Variants in ZC3H12B observed in about 807,000 individuals in gnomAD.
ZC3H12B encodes zinc finger CCCH-type containing 12B.
ZC3H12B carries 7 observed loss-of-function variants against 43.9 expected under a neutral mutation model. That is an observed-to-expected ratio of 0.16 (90% CI 0.09 to 0.30). The LOEUF (loss-of-function observed/expected upper bound fraction) is 0.30, where lower values mean the gene tolerates loss of function less well. Ranked by LOEUF, ZC3H12B falls within the 10% of genes least tolerant of loss-of-function variation. The probability of loss-of-function intolerance (pLI) is 1.00; values close to 1 mark genes in which losing one functional copy is unlikely to be tolerated. For missense variants in ZC3H12B, 475 were observed against 670.2 expected, an observed-to-expected ratio of 0.71 and a Z score of 3.22; for synonymous variants, 222 against 241.7, an observed-to-expected ratio of 0.92 and a Z score of 0.76.
the ZC3H12B span, among the ~76,000 whole-genome samples, chrX:65,116,322 C>G: frequency 6.3e-4 from 70 of 111,004 alleles, no homozygotes; most frequent in African/African-American, 2.2e-3. Context: ...CTTCACTTTA[C>G]GTTTCTGTTT....
the ZC3H12B span, among the ~76,000 whole-genome samples, chrX:65,110,953 A>T: frequency 7.1e-4 from 79 of 111,405 alleles, no homozygotes; most frequent in Non-Finnish European, 1.4e-3. Flanking sequence ...ATATTTTGTT[A>T]TATTTATACC....
At chrX:65,324,179 G>A in the ZC3H12B span, among the ~76,000 whole-genome samples, 9,278 of 111,698 alleles carry the variant, frequency 0.083, 1,030 homozygotes, top group African/African-American at 0.29. Context: ...CTTTTGCTGT[G>A]CAGAAGCTCT....
the ZC3H12B span, among the ~76,000 whole-genome samples, chrX:65,257,250 A>G: frequency 8.9e-6 from 1 of 112,289 alleles, no homozygotes; most frequent in African/African-American, 3.2e-5. Context: ...TGGCACATAT[A>G]CACCATGGAA....
At chrX:65,053,830 A>G in the ZC3H12B span, among the ~76,000 whole-genome samples, 1 of 111,189 alleles carries the variant, frequency 9.0e-6, no homozygotes, top group Non-Finnish European at 1.9e-5. Context: ...TCTCATTGTG[A>G]TTTTGATTTG....
At chrX:65,119,298 C>T in the ZC3H12B span, among the ~76,000 whole-genome samples, 1 of 111,423 alleles carries the variant, frequency 9.0e-6, no homozygotes, top group Admixed American at 9.5e-5. Flanking sequence ...TCTCCACATC[C>T]TCTCCAGCAC....
chrX:65,134,041 A>G, the ZC3H12B span, among the ~76,000 whole-genome samples: 2 of 111,163 alleles, frequency 1.8e-5, no homozygotes, highest in African/African-American at 6.6e-5. Flanking sequence ...GCAGAAGAAA[A>G]TAAGATGCTT....
At chrX:65,468,502 G>A (rs1041049019) in intron 3 of ZC3H12B, among the ~76,000 whole-genome samples, 1 of 48,627 alleles carries the variant, frequency 2.1e-5, no homozygotes, top group African/African-American at 6.1e-5. Context: ...TTTTTTTTTT[G>A]AGATGGAGTC....
intron 3 of ZC3H12B, among the ~76,000 whole-genome samples, chrX:65,410,130 T>C (rs1470931404): frequency 1.1e-5 from 1 of 91,321 alleles, no homozygotes; most frequent in Non-Finnish European, 2.2e-5. Context: ...AAAAAAACAA[T>C]GGGACATAAT....
At chrX:65,213,634 A>G in the ZC3H12B span, among the ~76,000 whole-genome samples, 1 of 110,882 alleles carries the variant, frequency 9.0e-6, no homozygotes, top group East Asian at 2.8e-4. Flanking sequence ...CTAGTCAGAT[A>G]ACTATGAAGT....
chrX:65,437,845 C>T (rs1273503995), intron 3 of ZC3H12B, among the ~76,000 whole-genome samples: 1 of 112,053 alleles, frequency 8.9e-6, no homozygotes, highest in Non-Finnish European at 1.9e-5. Flanking sequence ...TGGAGAGTTT[C>T]CTCAATGTTC....
chrX:65,205,433 G>C, the ZC3H12B span, among the ~76,000 whole-genome samples: 1 of 111,849 alleles, frequency 8.9e-6, no homozygotes, highest in Non-Finnish European at 1.9e-5. Context: ...AAAATCTCAT[G>C]ATCATCTCAA....
chrX:65,212,722 A>G, the ZC3H12B span, among the ~76,000 whole-genome samples: 2 of 94,242 alleles, frequency 2.1e-5, no homozygotes, highest in Non-Finnish European at 4.1e-5. Context: ...TCATATATAT[A>G]TCATATATAA....
intron 1 of ZC3H12B, among the ~76,000 whole-genome samples, chrX:65,496,029 A>C (rs1447808436): frequency 8.9e-6 from 1 of 111,830 alleles, no homozygotes; most frequent in Non-Finnish European, 1.9e-5. Flanking sequence ...TTTTTTGAGG[A>C]TATTTTGGAA....
intron 3 of ZC3H12B, among the ~76,000 whole-genome samples, chrX:65,466,864 T>A (rs1402599710): frequency 3.3e-5 from 3 of 91,175 alleles, no homozygotes; most frequent in Admixed American, 1.3e-4. Flanking sequence ...TGTATTTTTT[T>A]AATTTTGTTC....
rs1275613522 is a variant in ZC3H12B at position 65,383,396 on chromosome X, C to T, written n.295+14398C>T. 1.7e-4 allele frequency among the ~76,000 whole-genome samples: 19 copies of T among 111,523 alleles called. No individual in the cohort carries two copies. The Admixed American group carries it at 1.8e-3, about 11-fold the overall frequency. On this transcript the variant is annotated intron_variant and non_coding_transcript_variant, in intron 2 of 5. Coordinates refer to the ZC3H12B transcript ENST00000617377. ...AAATGGTGCTGGGAAAACTGGCTAG[C>T]CATATGTAGAAAGCTGAAACTGGAT...
chrX:65,479,502 G>A (rs950139852), intron 3 of ZC3H12B, among the ~76,000 whole-genome samples: 2 of 109,713 alleles, frequency 1.8e-5, no homozygotes, highest in Admixed American at 9.8e-5. Flanking sequence ...CAAGTAGCTG[G>A]GATTACAGGT....
At chrX:65,269,055 A>G in the ZC3H12B span, among the ~76,000 whole-genome samples, 1 of 112,123 alleles carries the variant, frequency 8.9e-6, no homozygotes, top group Non-Finnish European at 1.9e-5. Flanking sequence ...AGAAAAATCA[A>G]TATTATCTCA....
the ZC3H12B span, among the ~76,000 whole-genome samples, chrX:65,246,785 C>T: frequency 8.9e-6 from 1 of 112,058 alleles, no homozygotes; most frequent in Non-Finnish European, 1.9e-5. Flanking sequence ...AAATGTAAAA[C>T]CCAAAACTGT....
the ZC3H12B span, among the ~76,000 whole-genome samples, chrX:65,215,101 C>T: frequency 8.9e-6 from 1 of 111,754 alleles, no homozygotes; most frequent in Admixed American, 9.6e-5. Context: ...GTACTCTCAT[C>T]CAGGCTTCGT....
Sources: gnomAD v4.1 joint callset for allele counts (sites outside exome capture counted in the v4.1 genomes callset) on GRCh38, gnomAD v4.1.1 for gene constraint, MANE v1.5 for transcripts, NCBI Gene and HGNC (gene_info 2026-07-23, HGNC 2026-07-21) for gene names.